The following DNAJC25 variants were observed in gnomAD, a reference collection of about 807,000 sequenced individuals.
DNAJC25 encodes the protein dnaJ homolog subfamily C member 25.
Under a neutral mutation model 42.1 loss-of-function variants are expected in DNAJC25, and 26 were observed. The observed-to-expected ratio is 0.62, with a 90% CI of 0.45 to 0.86. The LOEUF (loss-of-function observed/expected upper bound fraction) is 0.86. Among genes scored for constraint, DNAJC25 ranks in the 40% least tolerant of loss-of-function variants. DNAJC25 has a pLI of 0.00. For missense variants in DNAJC25, 404 were observed against 459.4 expected (o/e 0.88, Z 1.10); for synonymous variants, 189 against 179.9 (o/e 1.05, Z -0.40).
chr9:111,633,188 G>A (rs1830313533), intron 1 of DNAJC25, among the ~76,000 whole-genome samples: 1 of 152,170 alleles, frequency 6.6e-6, no homozygotes, highest in South Asian at 2.1e-4. Flanking sequence ...CCCTGCTGGT[G>A]CGTGAGGGAG....
At chr9:111,641,951 C>CT (rs1830479531) in intron 1 of DNAJC25, among the ~76,000 whole-genome samples, 3 of 125,886 alleles carry the variant, frequency 2.4e-5, no homozygotes, top group South Asian at 2.6e-4. Flanking sequence ...TTCAGCCCCC[C>CT]GCCCGGCCAG....
At chr9:111,632,243 G>A (rs772933450) in intron 1 of DNAJC25, among the ~76,000 whole-genome samples, 1 of 152,216 alleles carries the variant, frequency 6.6e-6, no homozygotes, top group African/African-American at 2.4e-5. Flanking sequence ...CAGTCAAAAG[G>A]CTGGATGTGA....
chr9:111,649,517 G>T lies in DNAJC25; in HGVS notation c.554G>T (p.Arg185Leu), dbSNP rs372256683. 2 of 1,613,354 alleles carry T rather than the reference G, an allele frequency of 1.2e-6. No homozygotes were observed. The highest frequency in any genetic ancestry group is 1.3e-5 in the African/African-American group (1 of 74,818). Residue 185 changes from arginine (R) to leucine (L), a missense_variant, in exon 3 of 4, where the codon CGT (arginine) becomes CTT (leucine). Physicochemically the swap from Arg to Leu is moderately radical, Grantham distance 102 (BLOSUM62 -2). Coordinates refer to ENST00000313525, the MANE Select transcript of DNAJC25 (RefSeq NM_001015882.3). ...TACCTAGCCACAGTGCCCAAGTACC[G>T]TATCCAAGCTACAGAGATTGCCAAG... The part of the protein sequence containing the change: ...ISYLATVPKY[R>L]IQATEIAKQQ...
chr9:111,652,373 C>T (rs1830674221), intron 3 of DNAJC25, among the ~76,000 whole-genome samples: 1 of 151,126 alleles, frequency 6.6e-6, no homozygotes, highest in Non-Finnish European at 1.5e-5. Flanking sequence ...AAAAAATTAG[C>T]CGGGCGTGGT....
Position 111,631,680 on chromosome 9 carries a change from G to A in DNAJC25, c.273G>A (p.Gly91=). 1 of 1,523,734 alleles carries A rather than the reference G, an allele frequency of 6.6e-7. No individual in the cohort carries two copies. Among genetic ancestry groups the A allele is most frequent in the South Asian group, 1.2e-5 (1 of 83,742 alleles). The allele number at this position is 1,523,734 out of a possible 1,614,324, so 94.4% of individuals were successfully genotyped here. A position where few individuals can be genotyped will look rare whatever the true frequency, so the allele number is the denominator to read the frequency against. Residue 91 remains glycine (G), a synonymous_variant, in exon 1 of 4, where the codon GGG becomes GGA. Coordinates refer to ENST00000313525, the MANE Select transcript of DNAJC25 (RefSeq NM_001015882.3). ...YRPQPGDEGP[G]RTPQSAEEAF... ...CCCAGCCCGGAGACGAGGGCCCCGG[G>A]CGGACGCCGCAGAGCGCCGAGGAGG...
chr9:111,646,292 G>T (rs1446469454), intron 1 of DNAJC25, among the ~76,000 whole-genome samples: 1 of 152,198 alleles, frequency 6.6e-6, no homozygotes, highest in Non-Finnish European at 1.5e-5. Context: ...ATCCCTGTTA[G>T]AAATTGATTA....
chr9:111,643,095 G>T, intron 1 of DNAJC25: 1 of 316,044 alleles, frequency 3.2e-6, no homozygotes, highest in Non-Finnish European at 6.5e-6. Context: ...TTATTGAAAG[G>T]TAAGATATTA....
At chr9:111,650,573 T>A (rs1724292540) in intron 3 of DNAJC25, among the ~76,000 whole-genome samples, 1 of 152,254 alleles carries the variant, frequency 6.6e-6, no homozygotes, top group African/African-American at 2.4e-5. Flanking sequence ...CTCATTATCA[T>A]AATGACACTG....
At chr9:111,639,959 T>TCTCCCC in intron 1 of DNAJC25, among the ~76,000 whole-genome samples, 1 of 133,382 alleles carries the variant, frequency 7.5e-6, no homozygotes. Flanking sequence ...TCCGTCTCCG[T>TCTCCCC]CTCCCCATGG....
intron 1 of DNAJC25, among the ~76,000 whole-genome samples, chr9:111,641,674 TGGG>T (rs1187035381): frequency 1.6e-4 from 3 of 19,144 alleles, no homozygotes; most frequent in South Asian, 1.8e-3. Context: ...GGGAGGGAGG[TGGG>T]GGGGGGGTCA....
rs1407099510 is a variant in DNAJC25 at position 111,652,483 on chromosome 9, C to A, written c.961-617C>A. Among the ~76,000 whole-genome samples, 5 of 146,950 alleles carry A rather than the reference C, an allele frequency of 3.4e-5. No homozygotes were observed. In the East Asian group the frequency reaches 1.0e-3, roughly 30 times the overall value. ...TGAGCTGAGATCACACCACTGCACT[C>A]CAGCCTAGGCAACCAAGAGAGACCC... On this transcript the variant is annotated intron_variant, in intron 3 of 3. Transcript: ENST00000313525.
intron 1 of DNAJC25, among the ~76,000 whole-genome samples, chr9:111,641,449 G>A (rs1281941845): frequency 1.8e-5 from 2 of 110,710 alleles, no homozygotes; most frequent in African/African-American, 7.4e-5. Flanking sequence ...TGGGAGGTGA[G>A]GGGTGCCTCT....
At chr9:111,652,168 T>C (rs2131271429) in intron 3 of DNAJC25, among the ~76,000 whole-genome samples, 1 of 152,240 alleles carries the variant, frequency 6.6e-6, no homozygotes, top group South Asian at 2.1e-4. Context: ...TCAATTTTCA[T>C]TGAGGAAAAG....
Position 111,654,210 on chromosome 9 carries a change from A to G in DNAJC25, c.*988A>G, listed in dbSNP as rs1470803166. On this transcript the variant is annotated 3_prime_UTR_variant, in exon 4 of 4. Coordinates refer to ENST00000313525, the MANE Select transcript of DNAJC25 (RefSeq NM_001015882.3). Reference sequence around the variant, plus strand: ...GTGTTTTCACATGTGTGGCAGTGCAAGTAAATAACACATTATTTGACTGAA... The same window carrying G: ...GTGTTTTCACATGTGTGGCAGTGCAGGTAAATAACACATTATTTGACTGAA... The G allele has an allele frequency of 6.6e-6, 1 of 152,244 alleles. No homozygotes were observed. The allele number at this position is 152,244 out of a possible 1,614,324, so 9.4% of individuals were successfully genotyped here. A position where few individuals can be genotyped will look rare whatever the true frequency, so the allele number is the denominator to read the frequency against.
intron 1 of DNAJC25, among the ~76,000 whole-genome samples, chr9:111,635,618 G>A (rs1167923806): frequency 9.9e-5 from 15 of 152,172 alleles, no homozygotes; most frequent in Admixed American, 2.0e-4. Flanking sequence ...AGAACAACTT[G>A]AAAGGATGCA....
intron 1 of DNAJC25, among the ~76,000 whole-genome samples, chr9:111,634,049 C>A (rs1830329628): frequency 1.3e-5 from 2 of 152,044 alleles, no homozygotes. Context: ...TTCTGTAGCT[C>A]CCCCAGAACG....
intron 1 of DNAJC25, among the ~76,000 whole-genome samples, chr9:111,632,311 C>A (rs1830296070): frequency 6.6e-6 from 1 of 152,148 alleles, no homozygotes; most frequent in Non-Finnish European, 1.5e-5. Context: ...GTTGAAATAG[C>A]TGTTTCTTCA....
chr9:111,653,372 C>T lies in DNAJC25; in HGVS notation c.*150C>T. ...AACAGAATAATGTCAAAATTTAAAC[C>T]TTCCCTTAAAACTTTATACATAAGA... is the stretch of plus-strand genomic sequence containing the variant. On this transcript the variant is annotated 3_prime_UTR_variant, in exon 4 of 4. Transcript: ENST00000313525. 1 of 932,444 alleles carries T rather than the reference C, an allele frequency of 1.1e-6. No homozygotes were observed. Among genetic ancestry groups the T allele is most frequent in the East Asian group, 3.3e-5 (1 of 30,350 alleles). 57.8% of individuals were successfully genotyped at this position (932,444 alleles called of 1,614,324 possible). A position where few individuals can be genotyped will look rare whatever the true frequency, so the allele number is the denominator to read the frequency against.
At chr9:111,646,403 G>GATCT (rs1428321403) in intron 1 of DNAJC25, among the ~76,000 whole-genome samples, 2 of 152,182 alleles carry the variant, frequency 1.3e-5, no homozygotes, top group African/African-American at 4.8e-5. Context: ...CGGTAAGGAA[G>GATCT]ATCTATATGT....
Sources: gnomAD v4.1 joint callset for allele counts (sites outside exome capture counted in the v4.1 genomes callset) on GRCh38, gnomAD v4.1.1 for gene constraint, MANE v1.5 for transcripts, NCBI Gene and HGNC (gene_info 2026-07-23, HGNC 2026-07-21) for gene names.